The following IMPG1 variants were observed in gnomAD, a reference collection of about 807,000 sequenced individuals.
The protein encoded by IMPG1 is interphotoreceptor matrix proteoglycan 1.
Under a neutral mutation model 92.0 loss-of-function variants are expected in IMPG1, and 85 were observed. That is an observed-to-expected ratio of 0.92 (90% CI 0.78 to 1.11). The LOEUF is 1.11. Ranked by LOEUF, IMPG1 falls within the 50% of genes least tolerant of loss-of-function variation. The pLI is 0.00. For synonymous variants in IMPG1, 367 were observed against 334.1 expected (o/e 1.10, Z -1.08); for missense variants, 1,022 against 956.0 (o/e 1.07, Z -0.91).
chr6:76,039,720 G>A (rs888039175), intron 2 of IMPG1, among the ~76,000 whole-genome samples: 21 of 152,292 alleles, frequency 1.4e-4, no homozygotes, highest in Non-Finnish European at 2.4e-4. Flanking sequence ...AGAGACACAG[G>A]TGAGGTGACG....
At chr6:75,924,678 T>A (rs369677406) in intron 15 of IMPG1, among the ~76,000 whole-genome samples, 214 of 2,942 alleles carry the variant, frequency 0.073, 45 homozygotes, top group African/African-American at 0.18. Flanking sequence ...AATTATATAT[T>A]ATATATTATA....
chr6:76,002,835 A>G, intron 12 of IMPG1, 83 bp downstream of exon 12: 1 of 1,072,628 alleles, frequency 9.3e-7, no homozygotes, highest in Non-Finnish European at 1.4e-6. Context: ...TGGCTTTGTC[A>G]CTGGTCTTTG....
chr6:76,043,664 T>C (rs1783884732), intron 1 of IMPG1, among the ~76,000 whole-genome samples: 1 of 152,154 alleles, frequency 6.6e-6, no homozygotes, highest in African/African-American at 2.4e-5. Context: ...GGTTTGGGAA[T>C]CACTATTTTA....
chr6:76,065,014 G>T (rs940229877), intron 1 of IMPG1, among the ~76,000 whole-genome samples: 4 of 151,864 alleles, frequency 2.6e-5, no homozygotes, highest in Admixed American at 2.0e-4. Flanking sequence ...AAAGCCAAAA[G>T]ACTATTTTTC....
chr6:75,994,644 T>C (rs1215687142), intron 12 of IMPG1, among the ~76,000 whole-genome samples: 2 of 152,022 alleles, frequency 1.3e-5, no homozygotes, highest in Non-Finnish European at 2.9e-5. Context: ...ACCATCAGAG[T>C]TTGTGAGATT....
intron 10 of IMPG1, among the ~76,000 whole-genome samples, 159 bp downstream of exon 10, chr6:76,005,128 G>A (rs954827989): frequency 2.6e-5 from 4 of 152,140 alleles, no homozygotes; most frequent in African/African-American, 7.2e-5. Context: ...GACACAGGAA[G>A]GAGTGAGAAA....
chr6:76,009,698 T>A (rs576325265), intron 8 of IMPG1, among the ~76,000 whole-genome samples: 1 of 152,352 alleles, frequency 6.6e-6, no homozygotes, highest in South Asian at 2.1e-4. Flanking sequence ...AGATAAGCAC[T>A]TGGTAAAAAT....
At chr6:76,034,491 TA>T in intron 3 of IMPG1, 129 bp downstream of exon 3, 2 of 1,226,180 alleles carry the variant, frequency 1.6e-6, no homozygotes, top group Non-Finnish European at 2.3e-6. Context: ...TCTATTGGCC[TA>T]ATCAGATACC....
At chr6:75,940,976 GAATT>G (rs369443107) in intron 14 of IMPG1, among the ~76,000 whole-genome samples, 13 of 152,218 alleles carry the variant, frequency 8.5e-5, no homozygotes, top group African/African-American at 3.1e-4. Context: ...CACCTCTGTA[GAATT>G]AATTGCTCTC....
chr6:75,959,033 G>A (rs908047442), intron 12 of IMPG1, among the ~76,000 whole-genome samples: 5 of 152,092 alleles, frequency 3.3e-5, no homozygotes, highest in African/African-American at 7.2e-5. Flanking sequence ...TTTGGTCTTC[G>A]ATGTTGGTGA....
At chr6:76,050,990 A>G (rs923645692) in intron 1 of IMPG1, among the ~76,000 whole-genome samples, 5 of 152,362 alleles carry the variant, frequency 3.3e-5, no homozygotes, top group Non-Finnish European at 7.3e-5. Flanking sequence ...TGAATAAATT[A>G]GCACGACCAG....
At chr6:76,039,095 C>T (rs1259160297) in intron 2 of IMPG1, among the ~76,000 whole-genome samples, 1 of 152,210 alleles carries the variant, frequency 6.6e-6, no homozygotes, top group Non-Finnish European at 1.5e-5. Flanking sequence ...CTTATCCGTA[C>T]AACGGGAGTG....
intron 12 of IMPG1, among the ~76,000 whole-genome samples, chr6:75,965,606 C>CTTTTTTTTTT (rs35490140): frequency 2.7e-4 from 30 of 112,514 alleles, no homozygotes; most frequent in African/African-American, 5.6e-4. Context: ...CATACTTGTT[C>CTTTTTTTTTT]TTTTTTTTTT....
chr6:75,947,030 C>T (rs1221984515), intron 14 of IMPG1, among the ~76,000 whole-genome samples: 1 of 152,126 alleles, frequency 6.6e-6, no homozygotes, highest in African/African-American at 2.4e-5. Flanking sequence ...CTCTTAAACA[C>T]AGCAAAAGTT....
chr6:75,934,850 G>A (rs902778202), intron 14 of IMPG1: 2 of 428,890 alleles, frequency 4.7e-6, no homozygotes, highest in African/African-American at 4.0e-5. Context: ...CCTACTGGCT[G>A]TGTGCTGAGT....
At chr6:76,043,645 A>C (rs1013544965) in intron 1 of IMPG1, among the ~76,000 whole-genome samples, 3 of 152,328 alleles carry the variant, frequency 2.0e-5, no homozygotes, top group African/African-American at 7.2e-5. Context: ...TAATTTCAAC[A>C]TGCAGGCAGG....
intron 3 of IMPG1, 31 bp downstream of exon 3, chr6:76,034,590 T>G (rs1562378138): frequency 1.9e-6 from 3 of 1,611,054 alleles, no homozygotes; most frequent in Non-Finnish European, 2.5e-6. Context: ...TCGTGCAGTG[T>G]TCCAAATAAC....
intron 13 of IMPG1, among the ~76,000 whole-genome samples, chr6:75,950,216 T>C (rs1781999918): frequency 6.6e-6 from 1 of 152,180 alleles, no homozygotes; most frequent in Non-Finnish European, 1.5e-5. Flanking sequence ...TGATATAATT[T>C]AGAAAATGTT....
intron 12 of IMPG1, among the ~76,000 whole-genome samples, chr6:75,975,476 G>C (rs984505645): frequency 6.6e-6 from 1 of 152,180 alleles, no homozygotes; most frequent in Non-Finnish European, 1.5e-5. Context: ...ACCTTTGGCA[G>C]TTATCTAATT....
Sources: gnomAD v4.1 joint callset for allele counts (sites outside exome capture counted in the v4.1 genomes callset) on GRCh38, gnomAD v4.1.1 for gene constraint, MANE v1.5 for transcripts, NCBI Gene and HGNC (gene_info 2026-07-23, HGNC 2026-07-21) for gene names.